The following GABRG3 variants were observed in gnomAD, a reference collection of about 807,000 sequenced individuals.
GABRG3 encodes gamma-aminobutyric acid type A receptor subunit gamma3.
A neutral mutation model predicts 48.8 loss-of-function variants in GABRG3; 25 were observed. The observed-to-expected ratio is 0.51, with a 90% CI of 0.37 to 0.72. The LOEUF (loss-of-function observed/expected upper bound fraction) is 0.72. Ranked by LOEUF, GABRG3 falls within the 30% of genes least tolerant of loss-of-function variation. GABRG3 has a pLI of 0.00. For synonymous variants in GABRG3, 227 were observed against 217.6 expected, an observed-to-expected ratio of 1.04 and a Z score of -0.38; for missense variants, 394 against 577.9, an observed-to-expected ratio of 0.68 and a Z score of 3.26.
chr15:27,389,515 T>G (rs931293303), intron 5 of GABRG3, among the ~76,000 whole-genome samples: 2 of 152,244 alleles, frequency 1.3e-5, no homozygotes, highest in African/African-American at 4.8e-5. Context: ...ATAAAGTATG[T>G]TGTTGGAGTG....
rs1405926611 is a variant in GABRG3 at position 27,181,947 on chromosome 15, CTATAA to C, written c.271-144855_271-144851del. On this transcript the variant is annotated intron_variant, in intron 3 of 9. Transcript: ENST00000615808. ...ACACCACTGTAACATAGCATTTCTACTATAATATAATTTCTACTATGATATGCTAT... is the reference window on the plus strand; with the variant it reads ...ACACCACTGTAACATAGCATTTCTACTATAATTTCTACTATGATATGCTAT... 4.0e-5 allele frequency among the ~76,000 whole-genome samples: 6 copies of C among 150,716 alleles called. No individual in the cohort carries two copies. The South Asian group carries it at 8.4e-4, about 21-fold the overall frequency.
At chr15:27,126,343 C>T (rs559077652) in intron 3 of GABRG3, among the ~76,000 whole-genome samples, 1 of 152,156 alleles carries the variant, frequency 6.6e-6, no homozygotes, top group East Asian at 1.9e-4. Flanking sequence ...GGGAGGGACT[C>T]GCGATTAGGT....
At chr15:27,142,785 T>A (rs1045321615) in intron 3 of GABRG3, among the ~76,000 whole-genome samples, 1 of 152,096 alleles carries the variant, frequency 6.6e-6, no homozygotes, top group South Asian at 2.1e-4. Context: ...GCTTGGTTTT[T>A]TTTTTTTGAG....
At chr15:27,417,204 G>A (rs892178806) in intron 5 of GABRG3, among the ~76,000 whole-genome samples, 51 of 152,288 alleles carry the variant, frequency 3.3e-4, no homozygotes, top group African/African-American at 1.2e-3. Context: ...CCCAGGAGCT[G>A]TGGGTGCTGC....
At chr15:27,073,102 A>G (rs1012764793) in intron 3 of GABRG3, among the ~76,000 whole-genome samples, 5 of 152,316 alleles carry the variant, frequency 3.3e-5, no homozygotes, top group Non-Finnish European at 5.9e-5. Flanking sequence ...TGATGTGTCC[A>G]GGGATTGAGG....
At chr15:27,470,372 C>T (rs558592096) in intron 5 of GABRG3, among the ~76,000 whole-genome samples, 5 of 151,744 alleles carry the variant, frequency 3.3e-5, no homozygotes, top group South Asian at 2.1e-4. Flanking sequence ...TACAGGTGCA[C>T]GCCGCCATGC....
chr15:27,182,967 G>C (rs1265065313), intron 3 of GABRG3, among the ~76,000 whole-genome samples: 1 of 152,162 alleles, frequency 6.6e-6, no homozygotes, highest in African/African-American at 2.4e-5. Context: ...GAAAACAATA[G>C]CAAGAACATA....
intron 3 of GABRG3, among the ~76,000 whole-genome samples, chr15:27,110,004 GT>G: frequency 6.6e-6 from 1 of 152,264 alleles, no homozygotes; most frequent in East Asian, 1.9e-4. Context: ...TAATTGGTGT[GT>G]TTAGGCTGTT....
At chr15:27,029,699 G>C (rs1211646295) in intron 3 of GABRG3, among the ~76,000 whole-genome samples, 2 of 152,178 alleles carry the variant, frequency 1.3e-5, no homozygotes, top group African/African-American at 4.8e-5. Flanking sequence ...ACCAAGGCCT[G>C]CTTTGGTGGG....
intron 3 of GABRG3, among the ~76,000 whole-genome samples, chr15:27,186,196 C>T (rs1199580803): frequency 1.3e-5 from 2 of 151,868 alleles, no homozygotes; most frequent in Non-Finnish European, 2.9e-5. Flanking sequence ...TCGAGTAGTC[C>T]CCAGGGTCTA....
intron 3 of GABRG3, among the ~76,000 whole-genome samples, chr15:27,051,903 A>G (rs561801711): frequency 2.0e-5 from 3 of 152,294 alleles, no homozygotes; most frequent in East Asian, 3.9e-4. Flanking sequence ...TTAGATTCTC[A>G]TAAGGAGTGT....
At chr15:27,090,996 T>C (rs553778063) in intron 3 of GABRG3, among the ~76,000 whole-genome samples, 31 of 152,356 alleles carry the variant, frequency 2.0e-4, no homozygotes, top group African/African-American at 7.2e-4. Context: ...GCCTTTTACT[T>C]ATTTTTCTTG....
chr15:27,346,614 T>C (rs1008617365), intron 5 of GABRG3, among the ~76,000 whole-genome samples: 1 of 141,694 alleles, frequency 7.1e-6, no homozygotes, highest in African/African-American at 2.7e-5. Context: ...GGTTCATGAA[T>C]GTTCTAGTCT....
At chr15:27,069,631 A>G (rs777329333) in intron 3 of GABRG3, among the ~76,000 whole-genome samples, 8 of 152,246 alleles carry the variant, frequency 5.3e-5, no homozygotes, top group Non-Finnish European at 8.8e-5. Flanking sequence ...AACTGCCGTT[A>G]TTATAAGAAA....
intron 3 of GABRG3, among the ~76,000 whole-genome samples, chr15:27,217,790 C>T (rs1339860368): frequency 1.3e-5 from 2 of 152,204 alleles, no homozygotes; most frequent in African/African-American, 4.8e-5. Context: ...TGGCTGTCCT[C>T]TCCTGGCAAG....
rs562115323 is a variant in GABRG3 at position 27,058,676 on chromosome 15, C to T, written c.270+31855C>T. Reference sequence around the variant, plus strand: ...TGCCATATTGGAAACCAGGAGCCACCATCTTTAAACAATTAGAGATTAGAG... The same window carrying T: ...TGCCATATTGGAAACCAGGAGCCACTATCTTTAAACAATTAGAGATTAGAG... On this transcript the variant is annotated intron_variant, in intron 3 of 9. Transcript: ENST00000615808. 3.9e-5 allele frequency among the ~76,000 whole-genome samples: 6 copies of T among 151,942 alleles called. No individual in the cohort carries two copies. The South Asian group carries it at 1.2e-3, about 32-fold the overall frequency.
intron 3 of GABRG3, among the ~76,000 whole-genome samples, chr15:27,314,878 A>G (rs1215911867): frequency 6.6e-6 from 1 of 152,174 alleles, no homozygotes; most frequent in Non-Finnish European, 1.5e-5. Context: ...AGAGAGTACA[A>G]TGGTTGTTGC....
At chr15:27,397,093 A>G (rs201804501) in intron 5 of GABRG3, among the ~76,000 whole-genome samples, 1 of 152,304 alleles carries the variant, frequency 6.6e-6, no homozygotes, top group East Asian at 1.9e-4. Context: ...ATAAACTTTA[A>G]AAAAATCTGC....
chr15:27,540,456 C>T lies in GABRG3; in HGVS notation c.*7575C>T, dbSNP rs368686824. On this transcript the variant is annotated 3_prime_UTR_variant, in exon 10 of 10. Transcript: ENST00000615808. ...AATTTGAGTCTAGGCTTTGTTTCCC[C>T]CTAACTTATCCTGGCATTTTTACTT... is the stretch of plus-strand genomic sequence containing the variant. The T allele has an allele frequency of 1.2e-4, 18 of 152,292 alleles. No homozygotes were observed. Among genetic ancestry groups the T allele is most frequent in the Middle Eastern group, 3.4e-3 (1 of 294 alleles). 9.4% of individuals were successfully genotyped at this position (152,292 alleles called of 1,614,324 possible). A position where few individuals can be genotyped will look rare whatever the true frequency, so the allele number is the denominator to read the frequency against.
Sources: gnomAD v4.1 joint callset for allele counts (sites outside exome capture counted in the v4.1 genomes callset) on GRCh38, gnomAD v4.1.1 for gene constraint, MANE v1.5 for transcripts, NCBI Gene and HGNC (gene_info 2026-07-23, HGNC 2026-07-21) for gene names.